CSMD1: variants seen among roughly 807,000 people sequenced by gnomAD.
CSMD1 encodes the protein CUB and sushi domain-containing protein 1.
A neutral mutation model predicts 417.5 loss-of-function variants in CSMD1; 213 were observed. That is an observed-to-expected ratio of 0.51 (90% CI 0.46 to 0.57). The LOEUF is 0.57. CSMD1 is among the 20% of genes least tolerant of loss of function. CSMD1 has a pLI of 0.00. For synonymous variants in CSMD1, 2,862 were observed against 1,736.8 expected, an observed-to-expected ratio of 1.65 and a Z score of -16.11; for missense variants, 6,923 against 4,529.7, an observed-to-expected ratio of 1.53 and a Z score of -15.17.
At chr8:3,769,493 G>A (rs55869241) in intron 5 of CSMD1, among the ~76,000 whole-genome samples, 2,443 of 150,980 alleles carry the variant, frequency 0.016, 54 homozygotes, top group African/African-American at 0.056. Flanking sequence ...GAAAATAGAG[G>A]ATAAAAAAAT....
chr8:4,775,892 G>A (rs1405435894), intron 1 of CSMD1, among the ~76,000 whole-genome samples: 3 of 152,184 alleles, frequency 2.0e-5, no homozygotes, highest in Non-Finnish European at 4.4e-5. Flanking sequence ...AAGGCAGAGA[G>A]AGGACAAGTT....
intron 1 of CSMD1, among the ~76,000 whole-genome samples, chr8:4,739,205 C>G (rs151220377): frequency 1.3e-5 from 2 of 152,292 alleles, no homozygotes; most frequent in Non-Finnish European, 2.9e-5. Flanking sequence ...ATAATTCTAT[C>G]TATTAAAGCA....
In CSMD1 at chr8:3,338,004, A is replaced by G. The variant is rs559644353; in HGVS notation, c.3631+5290T>C. 3.9e-5 allele frequency among the ~76,000 whole-genome samples: 6 copies of G among 152,250 alleles called. No homozygotes were observed. The South Asian group carries it at 1.0e-3, about 26-fold the overall frequency. On this transcript the variant is annotated intron_variant, in intron 23 of 69. Transcript: ENST00000635120. Reference sequence around the variant, plus strand: ...ACAGTAGACACTTCTCTAGCTTCCTACTTTGGCAGATGCTTTTATTTCCCA... The same window carrying G: ...ACAGTAGACACTTCTCTAGCTTCCTGCTTTGGCAGATGCTTTTATTTCCCA...
At chr8:4,959,945 A>C (rs1809369059) in intron 1 of CSMD1, among the ~76,000 whole-genome samples, 1 of 151,912 alleles carries the variant, frequency 6.6e-6, no homozygotes, top group South Asian at 2.1e-4. Context: ...AATAACACTT[A>C]CTCTCCTTAA....
intron 10 of CSMD1, among the ~76,000 whole-genome samples, chr8:3,524,062 T>C (rs1418386538): frequency 9.4e-6 from 1 of 106,652 alleles, no homozygotes; most frequent in Non-Finnish European, 2.1e-5. Context: ...TGCACACACA[T>C]GCACACACTT....
At chr8:4,301,900 T>A (rs1034694036) in intron 3 of CSMD1, among the ~76,000 whole-genome samples, 1 of 152,178 alleles carries the variant, frequency 6.6e-6, no homozygotes, top group Non-Finnish European at 1.5e-5. Context: ...CACTTCAAGT[T>A]TATTAGAATT....
At chr8:4,031,778 G>T (rs3866473) in intron 4 of CSMD1, 127 bp downstream of exon 4, 1 of 616,618 alleles carries the variant, frequency 1.6e-6, no homozygotes, top group Non-Finnish European at 2.6e-6. Flanking sequence ...GGAGCAGAAT[G>T]AGCTGACATT....
intron 2 of CSMD1, among the ~76,000 whole-genome samples, chr8:4,520,727 A>G (rs1803400631): frequency 1.3e-5 from 2 of 152,188 alleles, no homozygotes; most frequent in African/African-American, 4.8e-5. Flanking sequence ...TTTTGTTCCA[A>G]TTATTTAACT....
intron 3 of CSMD1, among the ~76,000 whole-genome samples, chr8:4,238,853 A>G (rs1802221333): frequency 6.6e-6 from 1 of 152,180 alleles, no homozygotes. Context: ...ACATTTTTAA[A>G]AATCGATAGC....
intron 5 of CSMD1, among the ~76,000 whole-genome samples, chr8:3,955,336 G>C (rs187107796): frequency 3.9e-5 from 6 of 152,236 alleles, no homozygotes; most frequent in Middle Eastern, 6.8e-3. Context: ...TCCATGTTAC[G>C]CCACAGAAAC....
rs983782014 is a variant in CSMD1, at chr8:4,560,525, T to C, written c.302+76817A>G. Among the ~76,000 whole-genome samples the C allele has an allele frequency of 4.6e-5, 7 of 152,328 alleles. No homozygotes were observed. The East Asian group carries it at 5.8e-4, about 13-fold the overall frequency. ...ACCCAAACTTTAACATGATTTTGCA[T>C]GCATGGAAACCTCTGCTACCTGTAG... On this transcript the variant is annotated intron_variant, in intron 2 of 69. Transcript: ENST00000635120.
At chr8:4,415,081 G>A (rs1198082915) in intron 3 of CSMD1, among the ~76,000 whole-genome samples, 2 of 152,050 alleles carry the variant, frequency 1.3e-5, no homozygotes, top group South Asian at 4.2e-4. Context: ...TTTTGCAAAG[G>A]ATCTCACGGA....
At chr8:4,079,549 T>C (rs1285472071) in intron 3 of CSMD1, among the ~76,000 whole-genome samples, 1 of 152,214 alleles carries the variant, frequency 6.6e-6, no homozygotes, top group African/African-American at 2.4e-5. Context: ...ACACTGAAGA[T>C]ATTTATTGAT....
intron 2 of CSMD1, among the ~76,000 whole-genome samples, chr8:4,541,144 T>G (rs143946528): frequency 6.6e-6 from 1 of 152,276 alleles, no homozygotes; most frequent in East Asian, 1.9e-4. Flanking sequence ...ACCACCAATT[T>G]AAGCCAATAG....
chr8:3,054,613 G>T (rs2128990696), intron 49 of CSMD1, among the ~76,000 whole-genome samples: 1 of 122,754 alleles, frequency 8.1e-6, no homozygotes, highest in African/African-American at 2.7e-5. Flanking sequence ...GCAAGGCCCT[G>T]TCTCAAAAAC....
chr8:3,940,431 A>C (rs1326800611), intron 5 of CSMD1, among the ~76,000 whole-genome samples: 3 of 151,992 alleles, frequency 2.0e-5, no homozygotes, highest in Admixed American at 2.0e-4. Flanking sequence ...GTATGTTGTA[A>C]AGAAGTAAAA....
At chr8:4,794,535 T>TCTCC (rs1797868064) in intron 1 of CSMD1, among the ~76,000 whole-genome samples, 1 of 152,066 alleles carries the variant, frequency 6.6e-6, no homozygotes, top group Admixed American at 6.6e-5. Flanking sequence ...TCTGCCTGAC[T>TCTCC]CTCCCTCCCC....
chr8:4,364,941 C>A (rs369480796), intron 3 of CSMD1, among the ~76,000 whole-genome samples: 13 of 149,792 alleles, frequency 8.7e-5, no homozygotes, highest in Non-Finnish European at 1.5e-4. Context: ...TCAAAGCACC[C>A]GACAAAAACG....
chr8:4,725,002 C>T (rs1052229519), intron 1 of CSMD1, among the ~76,000 whole-genome samples: 1 of 151,920 alleles, frequency 6.6e-6, no homozygotes, highest in African/African-American at 2.4e-5. Flanking sequence ...AGGGAAAAGT[C>T]GTGAAAGAAC....
Sources: gnomAD v4.1 joint callset for allele counts (sites outside exome capture counted in the v4.1 genomes callset) on GRCh38, gnomAD v4.1.1 for gene constraint, MANE v1.5 for transcripts, NCBI Gene and HGNC (gene_info 2026-07-23, HGNC 2026-07-21) for gene names.